The following FRMD4B variants were observed in gnomAD, a reference collection of about 807,000 sequenced individuals.
The protein encoded by FRMD4B is FERM domain-containing protein 4B.
A neutral mutation model predicts 141.5 loss-of-function variants in FRMD4B; 74 were observed. The ratio of observed to expected loss-of-function variants is 0.52; its 90% CI spans 0.43 to 0.63. The LOEUF (loss-of-function observed/expected upper bound fraction) is 0.63. FRMD4B is among the 30% of genes least tolerant of loss of function. The probability of loss-of-function intolerance (pLI) is 0.00; values close to 1 mark genes in which losing one functional copy is unlikely to be tolerated. For missense variants in FRMD4B, 1,366 were observed against 1,253.4 expected (o/e 1.09, Z -1.36); for synonymous variants, 506 against 467.9 (o/e 1.08, Z -1.05).
At position 69,277,657 on chromosome 3, in the gene FRMD4B, G is replaced by A. The variant is rs180818139; in HGVS notation, c.501+10095C>T. 4.6e-3 allele frequency among the ~76,000 whole-genome samples: 675 copies of A among 148,134 alleles called. 6 individuals carry two copies. The highest frequency in any genetic ancestry group is 7.4e-3 in the Non-Finnish European group (498 of 67,296). ...TCTCCTGCCTCAGCCTCCCCGTCCC[G>A]AGTAGCTGGGACTACAGGCACGCAC... On this transcript the variant is annotated intron_variant, in intron 5 of 22. Coordinates refer to ENST00000398540, the MANE Select transcript of FRMD4B (RefSeq NM_015123.3).
intron 16 of FRMD4B, 133 bp downstream of exon 16, chr3:69,194,889 G>A: frequency 2.8e-6 from 2 of 711,954 alleles, no homozygotes; most frequent in South Asian, 4.6e-5. Context: ...AGTTCAATTT[G>A]GTCTACACGA....
At chr3:69,362,071 T>C (rs12629229) in intron 1 of FRMD4B, among the ~76,000 whole-genome samples, 55,661 of 152,118 alleles carry the variant, frequency 0.37, 12,138 homozygotes, top group African/African-American at 0.61. Context: ...AGCATTTGTG[T>C]TTAAGTGACT....
intron 21 of FRMD4B, among the ~76,000 whole-genome samples, chr3:69,177,083 A>T (rs1385052858): frequency 1.3e-5 from 2 of 152,176 alleles, no homozygotes; most frequent in Non-Finnish European, 2.9e-5. Flanking sequence ...CATGCCTGTA[A>T]TCCAAGCACT....
intron 7 of FRMD4B, among the ~76,000 whole-genome samples, chr3:69,246,201 A>T (rs2093424674): frequency 6.6e-6 from 1 of 152,090 alleles, no homozygotes; most frequent in Non-Finnish European, 1.5e-5. Context: ...TGCACCTGTA[A>T]TCTCGGCGCT....
intron 7 of FRMD4B, among the ~76,000 whole-genome samples, chr3:69,237,943 G>A (rs2093356891): frequency 6.6e-6 from 1 of 152,174 alleles, no homozygotes; most frequent in Admixed American, 6.5e-5. Context: ...TGTTGCCCAG[G>A]TTGGCCTCAA....
intron 1 of FRMD4B, among the ~76,000 whole-genome samples, chr3:69,338,031 A>C (rs1400054847): frequency 6.6e-6 from 1 of 152,224 alleles, no homozygotes; most frequent in Non-Finnish European, 1.5e-5. Context: ...AGCACTATTC[A>C]CTATAGCAAA....
At chr3:69,533,538 C>T (rs1701033857) in intron 1 of FRMD4B, among the ~76,000 whole-genome samples, 1 of 152,180 alleles carries the variant, frequency 6.6e-6, no homozygotes. Context: ...AAAAGGTAGC[C>T]ATTATCATCA....
At chr3:69,506,591 A>G (rs931851864) in intron 1 of FRMD4B, among the ~76,000 whole-genome samples, 6 of 151,542 alleles carry the variant, frequency 4.0e-5, no homozygotes, top group Non-Finnish European at 8.8e-5. Context: ...GCTGGAGTGC[A>G]CTGGCAACAT....
intron 1 of FRMD4B, among the ~76,000 whole-genome samples, chr3:69,498,617 A>G (rs1706442601): frequency 6.6e-6 from 1 of 152,258 alleles, no homozygotes; most frequent in South Asian, 2.1e-4. Flanking sequence ...GTACTGTGCT[A>G]TATGAATATA....
intron 1 of FRMD4B, among the ~76,000 whole-genome samples, chr3:69,333,146 C>T (rs1702435109): frequency 6.6e-6 from 1 of 152,030 alleles, no homozygotes; most frequent in South Asian, 2.1e-4. Context: ...CTCAGCCTGC[C>T]AGTCCCTGAA....
chr3:69,362,428 A>G (rs556320273), intron 1 of FRMD4B, among the ~76,000 whole-genome samples: 1 of 152,290 alleles, frequency 6.6e-6, no homozygotes, highest in South Asian at 2.1e-4. Context: ...TCACTGAGAC[A>G]CTGGTAAATA....
chr3:69,528,591 C>T (rs368784547), intron 1 of FRMD4B, among the ~76,000 whole-genome samples: 1 of 152,152 alleles, frequency 6.6e-6, no homozygotes, highest in African/African-American at 2.4e-5. Flanking sequence ...CTCTCAAATC[C>T]TTGGGTTCAA....
At chr3:69,451,630 T>C (rs979904267) in intron 1 of FRMD4B, among the ~76,000 whole-genome samples, 2 of 152,210 alleles carry the variant, frequency 1.3e-5, no homozygotes, top group African/African-American at 2.4e-5. Context: ...CCATTCCTTA[T>C]GGTTTGTAGC....
intron 1 of FRMD4B, chr3:69,536,426 G>T (rs779667305): frequency 2.8e-6 from 2 of 711,206 alleles, no homozygotes; most frequent in South Asian, 1.5e-5. Flanking sequence ...TACCTGAAGC[G>T]GAGGACGTCC....
chr3:69,288,565 G>A (rs948499005), intron 4 of FRMD4B, among the ~76,000 whole-genome samples: 2 of 152,224 alleles, frequency 1.3e-5, no homozygotes, highest in African/African-American at 4.8e-5. Flanking sequence ...GCTCCCGGGT[G>A]GGGAGGAGGC....
intron 22 of FRMD4B, among the ~76,000 whole-genome samples, chr3:69,172,441 G>A (rs1196788197): frequency 6.6e-6 from 1 of 152,016 alleles, no homozygotes; most frequent in Non-Finnish European, 1.5e-5. Flanking sequence ...TTACCATCCT[G>A]CTAGTTCACT....
intron 1 of FRMD4B, among the ~76,000 whole-genome samples, chr3:69,325,074 C>G (rs1369659458): frequency 1.4e-3 from 3 of 2,106 alleles, no homozygotes; most frequent in African/African-American, 3.0e-3. Context: ...GAGATACTGT[C>G]TAAAAAAAAA....
intron 2 of FRMD4B, among the ~76,000 whole-genome samples, chr3:69,425,094 C>T (rs147578730): frequency 2.6e-5 from 4 of 152,300 alleles, no homozygotes; most frequent in Non-Finnish European, 5.9e-5. Context: ...AGGCTTTCAT[C>T]TCTTCCATGG....
At chr3:69,212,154 G>A (rs2093088029) in intron 11 of FRMD4B, among the ~76,000 whole-genome samples, 1 of 151,442 alleles carries the variant, frequency 6.6e-6, no homozygotes, top group Admixed American at 6.6e-5. Context: ...GAGGTCAGGA[G>A]TTCGAGACCA....
Sources: allele counts gnomAD v4.1 joint callset (sites outside exome capture counted in the v4.1 genomes callset), GRCh38; gene constraint gnomAD v4.1.1; transcripts MANE v1.5; gene names NCBI Gene and HGNC (gene_info 2026-07-23, HGNC 2026-07-21).